ABTB3: variants seen among roughly 807,000 people sequenced by gnomAD.
The protein encoded by ABTB3 is ankyrin repeat and BTB domain containing 3.
At chr12:107,356,514 C>T in the ABTB3 span, among the ~76,000 whole-genome samples, 5 of 152,176 alleles carry the variant, frequency 3.3e-5, no homozygotes, top group Non-Finnish European at 7.3e-5. Context: ...CCGTGTGAAG[C>T]CCTTCCAGGT....
At chr12:107,511,641 A>G in the ABTB3 span, among the ~76,000 whole-genome samples, 2 of 152,194 alleles carry the variant, frequency 1.3e-5, no homozygotes, top group South Asian at 2.1e-4. Context: ...CTGGCACCCT[A>G]ACATTCCCAT....
chr12:107,475,979 T>C, the ABTB3 span, among the ~76,000 whole-genome samples: 146 of 152,258 alleles, frequency 9.6e-4, 1 homozygote, highest in African/African-American at 3.2e-3. Flanking sequence ...ATCTGAGATA[T>C]TGGTTGTTGG....
At chr12:107,532,298 A>G in the ABTB3 span, among the ~76,000 whole-genome samples, 8 of 152,334 alleles carry the variant, frequency 5.3e-5, no homozygotes, top group African/African-American at 1.9e-4. Flanking sequence ...TGGGACCACC[A>G]TGCACCATTT....
the ABTB3 span, among the ~76,000 whole-genome samples, chr12:107,359,032 G>C: frequency 6.6e-6 from 1 of 152,250 alleles, no homozygotes; most frequent in African/African-American, 2.4e-5. Context: ...GTTGCGGGCA[G>C]CAGCAGGTGT....
the ABTB3 span, among the ~76,000 whole-genome samples, chr12:107,525,682 T>G: frequency 3.9e-5 from 6 of 152,252 alleles, no homozygotes; most frequent in African/African-American, 1.4e-4. Context: ...GGACCACCTC[T>G]GCAGACTGGG....
the ABTB3 span, among the ~76,000 whole-genome samples, chr12:107,355,847 C>G: frequency 6.6e-6 from 1 of 152,146 alleles, no homozygotes; most frequent in Non-Finnish European, 1.5e-5. Flanking sequence ...AACTTTGAAC[C>G]CACCGTCTGT....
chr12:107,378,088 G>A, the ABTB3 span, among the ~76,000 whole-genome samples: 1 of 152,246 alleles, frequency 6.6e-6, no homozygotes, highest in African/African-American at 2.4e-5. Flanking sequence ...CACCAGTGGA[G>A]TGCTTCCTTT....
the ABTB3 span, among the ~76,000 whole-genome samples, chr12:107,502,645 C>T: frequency 6.6e-6 from 1 of 152,136 alleles, no homozygotes; most frequent in East Asian, 1.9e-4. Flanking sequence ...AGGAACTGAG[C>T]CACACAGGAG....
chr12:107,342,219 G>A, the ABTB3 span, among the ~76,000 whole-genome samples: 1 of 151,962 alleles, frequency 6.6e-6, no homozygotes, highest in Admixed American at 6.6e-5. Flanking sequence ...ATCCTTCTTT[G>A]CAGATGGATG....
chr12:107,655,551 G>A, the ABTB3 span, among the ~76,000 whole-genome samples: 1 of 152,138 alleles, frequency 6.6e-6, no homozygotes, highest in Non-Finnish European at 1.5e-5. Flanking sequence ...TAAAAAGAGT[G>A]GTAAAGAAAG....
the ABTB3 span, among the ~76,000 whole-genome samples, chr12:107,361,117 T>C: frequency 6.6e-6 from 1 of 151,988 alleles, no homozygotes; most frequent in African/African-American, 2.4e-5. Context: ...AAATAAAAAA[T>C]ACCTTCTTTT....
chr12:107,583,908 G>T, the ABTB3 span, among the ~76,000 whole-genome samples: 6 of 152,092 alleles, frequency 3.9e-5, no homozygotes, highest in Non-Finnish European at 7.4e-5. Context: ...GATGATTTGT[G>T]TACAGAAAAT....
At chr12:107,319,117 G>A in the ABTB3 span, 1 of 1,606,342 alleles carries the variant, frequency 6.2e-7, no homozygotes, top group Non-Finnish European at 8.5e-7. Flanking sequence ...CTGACTCCAT[G>A]CACAGCCGGC....
chr12:107,333,480 A>G, the ABTB3 span, among the ~76,000 whole-genome samples: 3 of 152,044 alleles, frequency 2.0e-5, no homozygotes, highest in Admixed American at 6.5e-5. Context: ...CATGAGGCCC[A>G]CTCTAGAACA....
At chr12:107,465,085 ACC>A in the ABTB3 span, among the ~76,000 whole-genome samples, 5 of 152,140 alleles carry the variant, frequency 3.3e-5, no homozygotes, top group African/African-American at 1.2e-4. Flanking sequence ...GAAGGGCTAG[ACC>A]ATGGAGGGCC....
chr12:107,452,270 C>T, the ABTB3 span, among the ~76,000 whole-genome samples: 11 of 145,110 alleles, frequency 7.6e-5, no homozygotes, highest in South Asian at 2.2e-4. Flanking sequence ...GTGAGTGGCG[C>T]GGTCTCCGCT....
chr12:107,324,212 C>G, the ABTB3 span, among the ~76,000 whole-genome samples: 4 of 152,120 alleles, frequency 2.6e-5, no homozygotes, highest in Admixed American at 6.5e-5. Context: ...TAATTCATTC[C>G]CACATGCTTA....
chr12:107,599,519 A>G, the ABTB3 span, among the ~76,000 whole-genome samples: 1 of 152,210 alleles, frequency 6.6e-6, no homozygotes, highest in East Asian at 1.9e-4. Flanking sequence ...CATCTCTGTT[A>G]TGCACACAGA....
chr12:107,434,863 T>C, the ABTB3 span, among the ~76,000 whole-genome samples: 1 of 150,160 alleles, frequency 6.7e-6, no homozygotes, highest in Admixed American at 6.6e-5. Context: ...GACCCTGTTG[T>C]CTTGGGAAAA....
Sources: gnomAD v4.1 joint callset for allele counts (sites outside exome capture counted in the v4.1 genomes callset) on GRCh38, gnomAD v4.1.1 for gene constraint, MANE v1.5 for transcripts, NCBI Gene and HGNC (gene_info 2026-07-23, HGNC 2026-07-21) for gene names.